TERF1: variants seen among roughly 807,000 people sequenced by gnomAD.
TERF1 encodes telomeric repeat binding factor 1, also known as telomeric repeat-binding factor 1.
Under a neutral mutation model 55.1 loss-of-function variants are expected in TERF1, and 20 were observed. That is an observed-to-expected ratio of 0.36 (90% CI 0.26 to 0.53). The LOEUF is 0.53. TERF1 is among the 20% of genes least tolerant of loss of function. The pLI, the probability that TERF1 is intolerant of heterozygous loss-of-function variation, is 0.91. For missense variants in TERF1, 439 were observed against 535.7 expected (o/e 0.82, Z 1.78); for synonymous variants, 168 against 181.2 (o/e 0.93, Z 0.59).
chr8:73,031,814 AC>A (rs769101208), intron 7 of TERF1: 35 of 331,862 alleles, frequency 1.1e-4, no homozygotes, highest in African/African-American at 1.3e-4. Context: ...ACATCAAAAA[AC>A]ATCTTGATTT....
chr8:73,039,968 T>G (rs1809765863), intron 9 of TERF1, among the ~76,000 whole-genome samples: 1 of 151,574 alleles, frequency 6.6e-6, no homozygotes, highest in Non-Finnish European at 1.5e-5. Context: ...TGTTTTCTTT[T>G]GTGGCTGGAA....
intron 8 of TERF1, among the ~76,000 whole-genome samples, chr8:73,037,743 ATAT>A (rs1390243530): frequency 1.1e-5 from 1 of 87,144 alleles, no homozygotes; most frequent in Non-Finnish European, 2.1e-5. Context: ...TATGAAATAT[ATAT>A]TATATATAAT....
intron 4 of TERF1, among the ~76,000 whole-genome samples, chr8:73,022,527 G>T (rs368323618): frequency 6.6e-6 from 1 of 152,120 alleles, no homozygotes; most frequent in African/African-American, 2.4e-5. Context: ...AGGCTGAGGT[G>T]GGAGGATCTC....
In TERF1 at chr8:73,039,134, A is replaced by G. The variant is rs1037530113; in HGVS notation, c.1058A>G (p.Glu353Gly). ...CTTTTAGGTACAAAAAAGAAAAAAG[A>G]AAGCAGAAGAGCCACTGAAAGCAGA... Reference protein sequence around the residue: ...GTPQSTKKKKESRRATESRIP... With the variant: ...GTPQSTKKKKGSRRATESRIP... Residue 353 changes from glutamate to glycine, a missense_variant, in exon 9 of 10, where the codon GAA becomes GGA. Physicochemically the swap from Glu to Gly is moderately conservative, Grantham distance 98. Around this residue, in one of 4 missense-constraint regions of TERF1, gnomAD observed 140 missense variants for 158.6 expected, o/e 0.88. Transcript: ENST00000276603. 1.6e-5 allele frequency: 26 copies of G among 1,587,174 alleles called. No homozygotes were observed. The highest frequency in any genetic ancestry group is 2.7e-5 in the African/African-American group (2 of 73,498).
chr8:73,031,794 T>C, intron 7 of TERF1: 5 of 295,638 alleles, frequency 1.7e-5, no homozygotes, highest in Non-Finnish European at 1.9e-5. Flanking sequence ...TTTTGCCTGC[T>C]TCTTCTGAGA....
At chr8:73,037,829 TATA>T (rs1182904380) in intron 8 of TERF1, among the ~76,000 whole-genome samples, 25 of 90,920 alleles carry the variant, frequency 2.7e-4, no homozygotes, top group Admixed American at 8.4e-4. Context: ...TAATATATAG[TATA>T]ATAATATATA....
intron 7 of TERF1, 94 bp downstream of exon 7, chr8:73,030,489 A>T: frequency 1.3e-6 from 1 of 770,324 alleles, no homozygotes; most frequent in Non-Finnish European, 1.9e-6. Context: ...TAAATGGTAC[A>T]ATTGAAAGAA....
intron 9 of TERF1, among the ~76,000 whole-genome samples, chr8:73,040,097 G>T (rs551366476): frequency 1.3e-5 from 2 of 148,194 alleles, no homozygotes; most frequent in Admixed American, 1.4e-4. Context: ...TATCTTCTGT[G>T]ACTCAAAGTT....
intron 4 of TERF1, among the ~76,000 whole-genome samples, chr8:73,023,078 A>G (rs199801091): frequency 9.2e-5 from 14 of 151,922 alleles, no homozygotes; most frequent in African/African-American, 3.1e-4. Context: ...GATACAAAAA[A>G]TCTGTATGTG....
At chr8:73,025,835 G>A (rs1053427511) in intron 5 of TERF1, among the ~76,000 whole-genome samples, 1 of 150,000 alleles carries the variant, frequency 6.7e-6, no homozygotes, top group African/African-American at 2.4e-5. Context: ...AGTTGAGGCT[G>A]TAGTGAGCTG....
In TERF1 at chr8:73,029,052, C is replaced by T. The variant is rs55929329; in HGVS notation, c.888-1284C>T. Among the ~76,000 whole-genome samples, 356 of 152,158 alleles carry T rather than the reference C, an allele frequency of 2.3e-3. 11 individuals carry two copies. The highest frequency in any genetic ancestry group is 0.022 in the Admixed American group (336 of 15,280). ...AGAATCGAGCAAATACCAAAACCAT[C>T]GTGGAAGCAGAACCAGGGCAAATAA... On this transcript the variant is annotated intron_variant, in intron 6 of 9. Coordinates refer to ENST00000276603, the MANE Select transcript of TERF1 (RefSeq NM_017489.3).
chr8:73,044,780 T>C (rs1203912343), intron 9 of TERF1, among the ~76,000 whole-genome samples: 3 of 151,922 alleles, frequency 2.0e-5, no homozygotes, highest in Non-Finnish European at 4.4e-5. Context: ...GCACCTCATA[T>C]CAGAAGTAGC....
chr8:73,013,385 A>T (rs1198555554), intron 1 of TERF1, among the ~76,000 whole-genome samples: 1 of 152,194 alleles, frequency 6.6e-6, no homozygotes, highest in African/African-American at 2.4e-5. Flanking sequence ...GCTACATGGT[A>T]AAAAGCTCAC....
chr8:73,038,428 A>C (rs1434163444), intron 8 of TERF1, among the ~76,000 whole-genome samples: 1 of 152,016 alleles, frequency 6.6e-6, no homozygotes, highest in Non-Finnish European at 1.5e-5. Flanking sequence ...ACTGCACTTC[A>C]GCCTAGGCAA....
chr8:73,027,190 G>C, intron 6 of TERF1, 138 bp downstream of exon 6: 2 of 643,924 alleles, frequency 3.1e-6, no homozygotes, highest in Admixed American at 3.0e-5. Flanking sequence ...GGTATTTGAA[G>C]TACTGTAGAG....
rs56175301 is a variant in TERF1 at position 73,024,031 on chromosome 8, T to C, written c.625-791T>C. ...AAAAACCAAGGCCTTCCTGAGACAG[T>C]TGCTCTGGGATTGAGCCTAAGAATT... On this transcript the variant is annotated intron_variant, in intron 4 of 9. Coordinates refer to ENST00000276603, the MANE Select transcript of TERF1 (RefSeq NM_017489.3). Among the ~76,000 whole-genome samples the C allele has an allele frequency of 2.0e-4, 31 of 152,352 alleles. No homozygotes were observed. The East Asian group carries it at 5.6e-3, about 27-fold the overall frequency.
Position 73,008,864 on chromosome 8 carries a change from A to G in TERF1, c.-23A>G, listed in dbSNP as rs765637906. The G allele has an allele frequency of 6.3e-7, 1 of 1,584,074 alleles. No individual in the cohort carries two copies. ...ATCGTTGCTCGGCGCCTGAAGGGGC[A>G]GTACCCAAGCGAGCCATTTAACATG... On this transcript the variant is annotated 5_prime_UTR_variant, in exon 1 of 10. Coordinates refer to ENST00000276603, the MANE Select transcript of TERF1 (RefSeq NM_017489.3).
At chr8:73,012,841 A>T in intron 1 of TERF1, 1 of 440,056 alleles carries the variant, frequency 2.3e-6, no homozygotes, top group Non-Finnish European at 4.6e-6. Flanking sequence ...TTTTTGTTTA[A>T]TTGTGTCTTC....
chr8:73,014,806 A>C (rs1808428420), intron 2 of TERF1, among the ~76,000 whole-genome samples: 1 of 152,224 alleles, frequency 6.6e-6, no homozygotes. Context: ...TGGCTGATGT[A>C]GTCTGCTTTG....
Sources: gnomAD v4.1 joint callset for allele counts (sites outside exome capture counted in the v4.1 genomes callset) on GRCh38, gnomAD v4.1.1 for gene constraint, gnomAD v4.1.1 regional missense constraint, MANE v1.5 for transcripts, NCBI Gene and HGNC (gene_info 2026-07-23, HGNC 2026-07-21) for gene names.